KLHL2: variants seen among roughly 807,000 people sequenced by gnomAD.
KLHL2 encodes the protein kelch like family member 2, also known as kelch-like protein 2.
KLHL2 carries 15 observed loss-of-function variants against 75.8 expected under a neutral mutation model. That is an observed-to-expected ratio of 0.20 (90% confidence interval 0.13 to 0.30). KLHL2 has a LOEUF of 0.30. KLHL2 is among the 10% of genes least tolerant of loss of function. The probability of loss-of-function intolerance (pLI) is 1.00; values close to 1 mark genes in which losing one functional copy is unlikely to be tolerated. For synonymous variants in KLHL2, 214 were observed against 251.9 expected (o/e 0.85, Z 1.42); for missense variants, 381 against 741.0 (o/e 0.51, Z 5.64).
At chr4:165,275,228 C>T (rs1031700253) in intron 5 of KLHL2, among the ~76,000 whole-genome samples, 2 of 151,836 alleles carry the variant, frequency 1.3e-5, no homozygotes, top group Non-Finnish European at 2.9e-5. Flanking sequence ...CTAACTTATT[C>T]AGAGAGTGCT....
At chr4:165,296,583 A>G (rs940520522) in intron 6 of KLHL2, among the ~76,000 whole-genome samples, 1 of 152,154 alleles carries the variant, frequency 6.6e-6, no homozygotes, top group South Asian at 2.1e-4. Context: ...TTTGGAGACT[A>G]GCTATCTGGT....
At position 165,238,794 on chromosome 4, in the gene KLHL2, C is replaced by T. The variant is rs1233101347; in HGVS notation, c.276C>T (p.Ser92=). ...HAMFTGEMSE[S]RAKRVRIKEV... is the part of the protein sequence containing the mutation. ...GTGTTTTAGGTGAGATGAGTGAGAG[C>T]CGAGCAAAGAGAGTTAGAATAAAAG... The change falls in exon 4 of 15, where the codon AGC becomes AGT. Residue 92 remains serine, a synonymous_variant. Transcript: ENST00000226725. 1 of 1,613,766 alleles carries T rather than the reference C, an allele frequency of 6.2e-7. No homozygotes were observed. Among genetic ancestry groups the T allele is most frequent in the South Asian group, 1.1e-5 (1 of 91,058 alleles).
chr4:165,321,945 C>T (rs985716330), intron 14 of KLHL2, 87 bp from the exon 15 acceptor site: 64 of 1,143,712 alleles, frequency 5.6e-5, no homozygotes, highest in Non-Finnish European at 8.0e-5. Context: ...CTCCTGCCTT[C>T]GTATTATAAT....
rs778449947 is a variant in KLHL2, at chr4:165,314,083, T to G, written c.1526T>G (p.Val509Gly). The G allele has an allele frequency of 1.2e-6, 2 of 1,613,808 alleles. No homozygotes were observed. Among genetic ancestry groups the G allele is most frequent in the East Asian group, 2.2e-5 (1 of 44,846 alleles). The change falls in exon 13 of 15, where the codon GTA becomes GGA. Residue 509 changes from valine to glycine, a missense_variant. Physicochemically the swap from Val to Gly is moderately radical, Grantham distance 109. Coordinates refer to ENST00000226725, the MANE Select transcript of KLHL2 (RefSeq NM_007246.4). ...GTAGGAGGTCATGATGGCCCTTTAG[T>G]ACGAAAAAGTGTTGAAGTATATGAT... ...YAVGGHDGPL[V>G]RKSVEVYDPT... is the part of the protein sequence containing the mutation.
chr4:165,218,171 G>A (rs182945581), intron 1 of KLHL2, among the ~76,000 whole-genome samples: 66 of 152,172 alleles, frequency 4.3e-4, no homozygotes, highest in African/African-American at 1.5e-3. Flanking sequence ...TCTTTGACCC[G>A]TGTAGAGTGT....
intron 1 of KLHL2, among the ~76,000 whole-genome samples, chr4:165,210,579 G>C (rs1265232879): frequency 2.6e-5 from 4 of 152,180 alleles, no homozygotes. Context: ...GTGATATTGA[G>C]ACTGTGTTAC....
intron 3 of KLHL2, among the ~76,000 whole-genome samples, chr4:165,236,927 G>T (rs1190130771): frequency 6.6e-6 from 1 of 150,848 alleles, no homozygotes; most frequent in East Asian, 1.9e-4. Flanking sequence ...GTTTGGCAGA[G>T]AACTAATTAT....
intron 4 of KLHL2, among the ~76,000 whole-genome samples, chr4:165,242,485 T>A (rs1433112827): frequency 6.6e-6 from 1 of 152,086 alleles, no homozygotes; most frequent in Non-Finnish European, 1.5e-5. Flanking sequence ...CTTGGCTTTA[T>A]TTTTAAATTT....
intron 1 of KLHL2, 114 bp downstream of exon 1, chr4:165,208,016 G>C: frequency 1.5e-6 from 1 of 667,042 alleles, no homozygotes; most frequent in Non-Finnish European, 2.1e-6. Flanking sequence ...CGGGAGGTGG[G>C]AGATGCGGGG....
intron 4 of KLHL2, among the ~76,000 whole-genome samples, chr4:165,250,499 C>T (rs1157669592): frequency 2.0e-5 from 3 of 152,128 alleles, no homozygotes; most frequent in Admixed American, 2.0e-4. Flanking sequence ...GCCCAGTGGA[C>T]TTTGGCTAAT....
intron 2 of KLHL2, among the ~76,000 whole-genome samples, chr4:165,222,032 C>T (rs994791403): frequency 6.6e-6 from 1 of 151,600 alleles, no homozygotes; most frequent in African/African-American, 2.4e-5. Context: ...GTTCTTTTTC[C>T]CCACTCCTAT....
At chr4:165,263,696 A>G (rs376411799) in intron 5 of KLHL2, among the ~76,000 whole-genome samples, 4 of 150,550 alleles carry the variant, frequency 2.7e-5, no homozygotes, top group Admixed American at 6.6e-5. Flanking sequence ...CTCCGCCTCC[A>G]GGGTTCAAGA....
intron 4 of KLHL2, among the ~76,000 whole-genome samples, chr4:165,260,182 T>C (rs1204083074): frequency 6.6e-6 from 1 of 152,190 alleles, no homozygotes; most frequent in Non-Finnish European, 1.5e-5. Flanking sequence ...TACATAATTA[T>C]GAGCTATTGA....
At chr4:165,238,422 G>A (rs1739535750) in intron 3 of KLHL2, among the ~76,000 whole-genome samples, 1 of 152,086 alleles carries the variant, frequency 6.6e-6, no homozygotes, top group Non-Finnish European at 1.5e-5. Flanking sequence ...CAGTAACATC[G>A]TTACTCTTCT....
chr4:165,307,103 C>T lies in KLHL2; in HGVS notation c.1039+1378C>T, dbSNP rs1745791242. ...GGTGGGCCGATCACAAGGTCAGAAG[C>T]TTGAGACCAGCCTGGCCAACATGAT... On this transcript the variant is annotated intron_variant, in intron 9 of 14. Transcript: ENST00000226725. Among the ~76,000 whole-genome samples, 2 of 152,084 alleles carry T rather than the reference C, an allele frequency of 1.3e-5. 1 individual carries two copies. The highest frequency in any genetic ancestry group is 4.1e-4 in the South Asian group (2 of 4,826).
chr4:165,211,859 C>T (rs920910937), intron 1 of KLHL2, among the ~76,000 whole-genome samples: 12 of 152,092 alleles, frequency 7.9e-5, no homozygotes, highest in Non-Finnish European at 1.8e-4. Flanking sequence ...GCAAAATGCC[C>T]CAAACCTTTT....
intron 4 of KLHL2, among the ~76,000 whole-genome samples, chr4:165,259,844 G>A (rs1741500523): frequency 6.6e-6 from 1 of 152,122 alleles, no homozygotes; most frequent in South Asian, 2.1e-4. Context: ...TCCATGACTC[G>A]CTGTATGACT....
intron 1 of KLHL2, chr4:165,209,349 A>G (rs1269518272): frequency 6.6e-6 from 1 of 152,190 alleles, no homozygotes; most frequent in African/African-American, 2.4e-5. Flanking sequence ...AATATGTAAC[A>G]TGTAGGTATG....
intron 4 of KLHL2, among the ~76,000 whole-genome samples, chr4:165,258,911 A>G (rs1278480470): frequency 6.6e-6 from 1 of 152,186 alleles, no homozygotes; most frequent in Non-Finnish European, 1.5e-5. Context: ...ACTTGTAATC[A>G]TTTGTGGGCC....
Sources: allele counts gnomAD v4.1 joint callset (sites outside exome capture counted in the v4.1 genomes callset), GRCh38; gene constraint gnomAD v4.1.1; transcripts MANE v1.5; gene names NCBI Gene and HGNC (gene_info 2026-07-23, HGNC 2026-07-21).